FAM131B: variants seen among roughly 807,000 people sequenced by gnomAD.
FAM131B encodes family with sequence similarity 131 member B.
A neutral mutation model predicts 42.0 loss-of-function variants in FAM131B; 19 were observed. The ratio of observed to expected loss-of-function variants is 0.45; its 90% CI spans 0.32 to 0.66. FAM131B has a LOEUF of 0.66. Among genes scored for constraint, FAM131B ranks in the 30% least tolerant of loss-of-function variants. FAM131B has a pLI of 0.05. For synonymous variants in FAM131B, 183 were observed against 177.6 expected (o/e 1.03, Z -0.24); for missense variants, 370 against 468.4 (o/e 0.79, Z 1.94).
the FAM131B span, among the ~76,000 whole-genome samples, chr7:143,376,261 AT>A: frequency 4.0e-5 from 6 of 151,826 alleles, no homozygotes; most frequent in East Asian, 1.9e-4. Context: ...TGATTAGAAA[AT>A]TTTTTTTTCT....
At chr7:143,372,874 G>A in the FAM131B span, among the ~76,000 whole-genome samples, 600 of 152,032 alleles carry the variant, frequency 3.9e-3, 5 homozygotes, top group African/African-American at 0.014. Flanking sequence ...CAGGAGAATC[G>A]CTTGAACCCG....
chr7:143,380,741 G>A, the FAM131B span: 1 of 985,440 alleles, frequency 1.0e-6, no homozygotes, highest in Non-Finnish European at 1.2e-6. The surrounding 1 kb of genome is among the most constrained non-coding windows in gnomAD (Gnocchi z 5.0). Context: ...GAGTCAGCTG[G>A]GGGGTGCTGG....
chr7:143,357,867 T>G (rs1317519414), intron 5 of FAM131B, among the ~76,000 whole-genome samples: 1 of 152,150 alleles, frequency 6.6e-6, no homozygotes, highest in East Asian at 1.9e-4. Flanking sequence ...TGTAGGGGAC[T>G]TCCTAAAAAA....
chr7:143,377,598 C>A, the FAM131B span, among the ~76,000 whole-genome samples: 2 of 152,200 alleles, frequency 1.3e-5, no homozygotes, highest in African/African-American at 4.8e-5. Flanking sequence ...GGTGAGAAAT[C>A]CAACATCCAG....
intron 1 of FAM131B, chr7:143,360,453 G>A: frequency 8.2e-7 from 1 of 1,212,462 alleles, no homozygotes; most frequent in Non-Finnish European, 1.0e-6. Flanking sequence ...GACTCTTGGA[G>A]GGTTTCTGTA....
In FAM131B at chr7:143,362,702, G is replaced by A. The variant is rs1804061389; in HGVS notation, c.-99C>T. On this transcript the variant is annotated 5_prime_UTR_variant, in exon 1 of 7. Transcript: ENST00000443739. This position sits in a 1 kb window ranked among gnomAD's most constrained non-coding sequence, Gnocchi z 7.7. The stretch of plus-strand genomic sequence containing the variant: ...GCCGCCCCAGCCGCTCTGCAGCGCC[G>A]CGGCTGTCTCCGCTCGGCTCCGCTC... 2 of 557,924 alleles carry A rather than the reference G, an allele frequency of 3.6e-6. No individual in the cohort carries two copies. The highest frequency in any genetic ancestry group is 5.0e-6 in the Non-Finnish European group (2 of 396,792). 34.6% of individuals were successfully genotyped at this position (557,924 alleles called of 1,614,324 possible). A position where few individuals can be genotyped will look rare whatever the true frequency, so the allele number is the denominator to read the frequency against.
At chr7:143,364,268 AAAG>A (rs1277507318), upstream of FAM131B, 1 of 149,542 alleles carries the variant, frequency 6.7e-6, no homozygotes, top group Non-Finnish European at 1.5e-5. Flanking sequence ...GTCGCAAAGG[AAAG>A]AAGATGGAGA....
the FAM131B span, chr7:143,381,616 G>A: frequency 1.9e-6 from 3 of 1,612,128 alleles, no homozygotes; most frequent in Non-Finnish European, 2.5e-6. Flanking sequence ...TTTCGGTCTC[G>A]GCTCCGGCTT....
rs1053311495 is a variant in FAM131B at position 143,362,115 on chromosome 7, C to T, written c.28+461G>A. ...CACCCGAGCCAGATGGAGGCGGCGG[C>T]GGGGGGTGGCGTGGGGGGCGTGCGA... On this transcript the variant is annotated intron_variant, in intron 1 of 6. Transcript: ENST00000443739. This position sits in a 1 kb window ranked among gnomAD's most constrained non-coding sequence, Gnocchi z 7.7. 2 of 757,864 alleles carry T rather than the reference C, an allele frequency of 2.6e-6. No homozygotes were observed. Among genetic ancestry groups the T allele is most frequent in the Non-Finnish European group, 3.2e-6 (2 of 621,452 alleles). The allele number at this position is 757,864 out of a possible 1,614,324, so 46.9% of individuals were successfully genotyped here.
At position 143,355,610 on chromosome 7, in the gene FAM131B, G is replaced by GGA. The variant is rs1249024566; in HGVS notation, c.*938_*939dup. ...CTTCAGAGGACAGGGGTGAATAAGG[G>GGA]GAGACAGCCCTCATGCTCCCCCTGC... On this transcript the variant is annotated 3_prime_UTR_variant, in exon 7 of 7. Coordinates refer to ENST00000443739, the MANE Select transcript of FAM131B (RefSeq NM_001031690.3). This position sits in a 1 kb window ranked among gnomAD's most constrained non-coding sequence, Gnocchi z 4.1. 3.3e-5 allele frequency: 5 copies of GGA among 152,680 alleles called. No individual in the cohort carries two copies. Among genetic ancestry groups the GGA allele is most frequent in the African/African-American group, 1.2e-4 (5 of 41,442 alleles). The allele number at this position is 152,680 out of a possible 1,614,324, so 9.5% of individuals were successfully genotyped here. A position where few individuals can be genotyped will look rare whatever the true frequency, so the allele number is the denominator to read the frequency against.
rs1803650271 is a variant in FAM131B at position 143,356,318 on chromosome 7, A to G, written c.*232T>C. ...CAGGTCCTTCTCCACAGCCACACCA[A>G]GCTCACGGCCATCTAGTTGCCCAGG... On this transcript the variant is annotated 3_prime_UTR_variant, in exon 7 of 7. Coordinates refer to ENST00000443739, the MANE Select transcript of FAM131B (RefSeq NM_001031690.3). This position sits in a 1 kb window ranked among gnomAD's most constrained non-coding sequence, Gnocchi z 4.4. 1.9e-6 allele frequency: 1 copy of G among 539,014 alleles called. No individual in the cohort carries two copies. The highest frequency in any genetic ancestry group is 1.9e-5 in the African/African-American group (1 of 52,390). 33.4% of individuals were successfully genotyped at this position (539,014 alleles called of 1,614,324 possible). A position where few individuals can be genotyped will look rare whatever the true frequency, so the allele number is the denominator to read the frequency against.
chr7:143,376,032 G>A, the FAM131B span, among the ~76,000 whole-genome samples: 2,347 of 152,220 alleles, frequency 0.015, 60 homozygotes, highest in African/African-American at 0.054. Flanking sequence ...CAGTGCCTTT[G>A]GGTGCCCATC....
the FAM131B span, chr7:143,381,270 G>A: frequency 9.5e-7 from 1 of 1,048,936 alleles, no homozygotes; most frequent in Non-Finnish European, 1.2e-6. Flanking sequence ...CTCTCTCCCC[G>A]CCCCCTCTCT....
At chr7:143,380,030 T>C in the FAM131B span, 3 of 981,080 alleles carry the variant, frequency 3.1e-6, no homozygotes, top group Non-Finnish European at 3.6e-6. The surrounding 1 kb of genome is among the most constrained non-coding windows in gnomAD (Gnocchi z 5.0). Flanking sequence ...CAGGTGCTCC[T>C]TGCCAGTAGA....
At chr7:143,370,718 A>T in the FAM131B span, among the ~76,000 whole-genome samples, 2 of 152,254 alleles carry the variant, frequency 1.3e-5, no homozygotes, top group Non-Finnish European at 2.9e-5. Context: ...AAAAAAATAC[A>T]CACACATGAA....
chr7:143,359,086 T>G lies in FAM131B; in HGVS notation c.269-62A>C, dbSNP rs1803823617. On this transcript the variant is annotated intron_variant, in intron 4 of 6. Transcript: ENST00000443739. The surrounding 1 kb of genome is among the most constrained non-coding windows in gnomAD (Gnocchi z 5.4). ...TCACACAATACCCATAACCAGACCC[T>G]CCCAGTTCCTCCCACCCCAGCCCCA... The G allele has an allele frequency of 1.2e-5, 18 of 1,491,214 alleles. No individual in the cohort carries two copies. The highest frequency in any genetic ancestry group is 1.5e-5 in the Non-Finnish European group (16 of 1,092,562). The allele number at this position is 1,491,214 out of a possible 1,614,324, so 92.4% of individuals were successfully genotyped here.
Position 143,359,296 on chromosome 7 carries a change from C to A in FAM131B, c.268+30G>T. 6.5e-7 allele frequency: 1 copy of A among 1,539,110 alleles called. No homozygotes were observed. On this transcript the variant is annotated intron_variant, in intron 4 of 6. Transcript: ENST00000443739. This position sits in a 1 kb window ranked among gnomAD's most constrained non-coding sequence, Gnocchi z 5.4. ...AAGGAGTCTGTCAGCATTATTTTGT[C>A]TGAAGGCATTCTTACATCAGGAGTC...
chr7:143,360,432 T>C, intron 1 of FAM131B: 1 of 1,279,298 alleles, frequency 7.8e-7, no homozygotes, highest in East Asian at 3.9e-5. Context: ...AACCAATTAT[T>C]CCGTCCTGAG....
chr7:143,369,669 C>T, the FAM131B span, among the ~76,000 whole-genome samples: 1 of 55,226 alleles, frequency 1.8e-5, no homozygotes, highest in Non-Finnish European at 3.7e-5. Context: ...AGCGAGAATC[C>T]GTCTCAAAAA....
Sources: allele counts gnomAD v4.1 joint callset (sites outside exome capture counted in the v4.1 genomes callset), GRCh38; gene constraint gnomAD v4.1.1; non-coding constraint Gnocchi (gnomAD v3.1); transcripts MANE v1.5; gene names NCBI Gene and HGNC (gene_info 2026-07-23, HGNC 2026-07-21).